Variants in DNAAF19 observed in about 807,000 individuals in gnomAD.
The protein encoded by DNAAF19 is dynein axonemal assembly factor 19, also known as coiled-coil domain containing 103.
the DNAAF19 span, among the ~76,000 whole-genome samples, chr17:44,900,745 A>G: frequency 6.6e-6 from 1 of 152,182 alleles, no homozygotes; most frequent in Non-Finnish European, 1.5e-5. Flanking sequence ...TTAAGACAGA[A>G]CTCCAAATTG....
the DNAAF19 span, chr17:44,903,099 C>T: frequency 1.5e-6 from 2 of 1,330,762 alleles, no homozygotes; most frequent in Non-Finnish European, 1.9e-6. Flanking sequence ...GCCCACTGGC[C>T]TTGAGAGATG....
At chr17:44,905,157 G>A in the DNAAF19 span, 89 of 1,061,814 alleles carry the variant, frequency 8.4e-5, no homozygotes, top group Middle Eastern at 2.1e-4. Context: ...ACCCTGGGTT[G>A]GGACAGGTGG....
chr17:44,902,274 G>A, the DNAAF19 span: 1 of 1,529,636 alleles, frequency 6.5e-7, no homozygotes. Context: ...GATGAAGACA[G>A]TAAGATGAAG....
chr17:44,902,498 C>A, the DNAAF19 span: 1 of 1,614,234 alleles, frequency 6.2e-7, no homozygotes, highest in African/African-American at 1.3e-5. Context: ...CTCTTCCAGA[C>A]AGATGTGGGA....
chr17:44,903,996 A>G, the DNAAF19 span: 2 of 1,550,520 alleles, frequency 1.3e-6, no homozygotes, highest in Admixed American at 2.0e-5. Flanking sequence ...TGTCACTGCA[A>G]ACCCGAAGAG....
the DNAAF19 span, among the ~76,000 whole-genome samples, chr17:44,900,320 A>G: frequency 1.9e-3 from 286 of 152,070 alleles, 1 homozygote; most frequent in Middle Eastern, 6.8e-3. Context: ...CTCTGTAGAA[A>G]TGATCAGTCA....
chr17:44,900,200 G>C, the DNAAF19 span, among the ~76,000 whole-genome samples: 2 of 152,060 alleles, frequency 1.3e-5, no homozygotes, highest in East Asian at 3.9e-4. Flanking sequence ...TTGAGGTCAG[G>C]ATCGAAAATT....
the DNAAF19 span, chr17:44,903,378 C>T: frequency 2.0e-5 from 25 of 1,248,364 alleles, no homozygotes; most frequent in East Asian, 1.5e-4. Context: ...GCCAGCCTCC[C>T]GGATGGCCAG....
At chr17:44,904,566 C>CAAAGACCA in the DNAAF19 span, 2 of 1,550,590 alleles carry the variant, frequency 1.3e-6, no homozygotes, top group Non-Finnish European at 1.7e-6. Flanking sequence ...TGTGAGAAGA[C>CAAAGACCA]AAAGACCATC....
chr17:44,902,612 G>A, the DNAAF19 span: 20 of 1,614,058 alleles, frequency 1.2e-5, no homozygotes, highest in Non-Finnish European at 1.4e-5. Context: ...AGCACTGGGC[G>A]CTTCACCCTG....
the DNAAF19 span, chr17:44,903,076 T>C: frequency 1.5e-6 from 2 of 1,358,012 alleles, no homozygotes; most frequent in African/African-American, 2.9e-5. Context: ...CCTTAGAGTC[T>C]GCCAAGCCTC....
At chr17:44,904,692 C>G in the DNAAF19 span, 1 of 1,550,602 alleles carries the variant, frequency 6.4e-7, no homozygotes, top group South Asian at 1.2e-5. Context: ...CTCATCATCT[C>G]CTGTCCTGGG....
chr17:44,904,169 A>G, the DNAAF19 span: 1 of 1,550,260 alleles, frequency 6.5e-7, no homozygotes, highest in Non-Finnish European at 8.7e-7. Flanking sequence ...GTTGGTTTTC[A>G]GGGCTCAGTC....
At chr17:44,901,542 C>T in the DNAAF19 span, 1 of 1,614,152 alleles carries the variant, frequency 6.2e-7, no homozygotes, top group Non-Finnish European at 8.5e-7. Flanking sequence ...TGCATCACAT[C>T]TGAAGCCACT....
At chr17:44,901,236 C>T in the DNAAF19 span, 1 of 1,404,458 alleles carries the variant, frequency 7.1e-7, no homozygotes, top group Non-Finnish European at 9.7e-7. Context: ...AGTCCTGGCC[C>T]CACCGTCTAC....
chr17:44,901,730 G>C, the DNAAF19 span: 3 of 1,523,570 alleles, frequency 2.0e-6, no homozygotes, highest in Non-Finnish European at 2.7e-6. Flanking sequence ...ATTTTGTTTT[G>C]TTTTGTTTTG....
the DNAAF19 span, chr17:44,904,203 G>C: frequency 1.3e-6 from 2 of 1,550,440 alleles, no homozygotes; most frequent in African/African-American, 2.7e-5. Flanking sequence ...CTGTACTTCT[G>C]CGGCACCCGC....
At chr17:44,902,698 C>T in the DNAAF19 span, 11 of 1,613,920 alleles carry the variant, frequency 6.8e-6, no homozygotes, top group Non-Finnish European at 9.3e-6. Context: ...CATGGGCAAC[C>T]CCAGATCCGT....
the DNAAF19 span, chr17:44,904,888 T>A: frequency 6.4e-7 from 1 of 1,550,604 alleles, no homozygotes; most frequent in Non-Finnish European, 8.7e-7. Flanking sequence ...TGCTAGTTGC[T>A]GGCTTCCGGC....
Sources: allele counts gnomAD v4.1 joint callset (sites outside exome capture counted in the v4.1 genomes callset), GRCh38; gene constraint gnomAD v4.1.1; transcripts MANE v1.5; gene names NCBI Gene and HGNC (gene_info 2026-07-23, HGNC 2026-07-21).